STPG4: variants seen among roughly 807,000 people sequenced by gnomAD.
STPG4 encodes sperm-tail PG-rich repeat containing 4.
STPG4 carries 41 observed loss-of-function variants against 31.5 expected under a neutral mutation model. That is an observed-to-expected ratio of 1.30 (90% CI 1.01 to 1.69). The LOEUF is 1.69. Among genes scored for constraint, STPG4 ranks in the 40% most tolerant of loss-of-function variants. The pLI, the probability that STPG4 is intolerant of heterozygous loss-of-function variation, is 0.00. For missense variants in STPG4, 375 were observed against 293.4 expected, an observed-to-expected ratio of 1.28 and a Z score of -2.03; for synonymous variants, 141 against 103.0, an observed-to-expected ratio of 1.37 and a Z score of -2.24.
At chr2:47,116,052 G>A (rs1046292527) in intron 5 of STPG4, among the ~76,000 whole-genome samples, 1 of 152,186 alleles carries the variant, frequency 6.6e-6, no homozygotes, top group Non-Finnish European at 1.5e-5. Flanking sequence ...TTTTCCTAGG[G>A]TTCCCTAAGT....
chr2:47,101,075 C>A (rs1481720487), intron 5 of STPG4, among the ~76,000 whole-genome samples: 1 of 151,884 alleles, frequency 6.6e-6, no homozygotes, highest in South Asian at 2.1e-4. Flanking sequence ...CATCACCTAT[C>A]GCCAAGCAGT....
rs940677827 is a variant in STPG4, at chr2:47,135,105, G to A, written c.400-4845C>T. Among the ~76,000 whole-genome samples the A allele has an allele frequency of 3.9e-5, 6 of 152,092 alleles. No homozygotes were observed. The South Asian group carries it at 6.2e-4, about 16-fold the overall frequency. The stretch of plus-strand genomic sequence containing the variant: ...TATTTTGGTCAACAGTTCTTTCTCA[G>A]ATATATCTTTTGCAAATATATTCTC... On this transcript the variant is annotated intron_variant, in intron 3 of 6. Coordinates refer to ENST00000445927, the MANE Select transcript of STPG4 (RefSeq NM_001163561.2).
intron 5 of STPG4, among the ~76,000 whole-genome samples, chr2:47,110,192 A>G (rs1344333045): frequency 6.6e-6 from 1 of 152,246 alleles, no homozygotes; most frequent in African/African-American, 2.4e-5. Context: ...ACTGAGTCCT[A>G]ATTAAGTAGC....
intron 3 of STPG4, among the ~76,000 whole-genome samples, chr2:47,143,317 G>A (rs1015110180): frequency 6.6e-6 from 1 of 152,134 alleles, no homozygotes; most frequent in Admixed American, 6.5e-5. Context: ...TATCTCCTTT[G>A]CCAATATTGG....
At chr2:47,090,126 A>G (rs12467763) in intron 6 of STPG4, 144 bp downstream of exon 6, 1 of 550,022 alleles carries the variant, frequency 1.8e-6, no homozygotes, top group South Asian at 2.9e-5. Flanking sequence ...TTGACAGGCA[A>G]CTGTATCTAC....
At chr2:47,153,781 A>T (rs1484971100) in intron 1 of STPG4, among the ~76,000 whole-genome samples, 1 of 152,146 alleles carries the variant, frequency 6.6e-6, no homozygotes, top group Admixed American at 6.6e-5. Flanking sequence ...CTCAGGGGGA[A>T]AAAAAAGACT....
chr2:47,095,376 C>G (rs1018359702), intron 5 of STPG4, among the ~76,000 whole-genome samples: 4 of 152,140 alleles, frequency 2.6e-5, no homozygotes, highest in Non-Finnish European at 5.9e-5. Flanking sequence ...GCATGGAACT[C>G]TAAACCGAGG....
intron 5 of STPG4, among the ~76,000 whole-genome samples, chr2:47,097,329 C>G (rs1377570604): frequency 6.6e-6 from 1 of 152,140 alleles, no homozygotes; most frequent in Non-Finnish European, 1.5e-5. Context: ...AAAGCGCACA[C>G]GTTCTATTTC....
At chr2:47,125,998 T>C (rs1313048629) in intron 5 of STPG4, among the ~76,000 whole-genome samples, 1 of 152,196 alleles carries the variant, frequency 6.6e-6, no homozygotes, top group Non-Finnish European at 1.5e-5. Flanking sequence ...CCAATGTGTA[T>C]TCTTGGCACC....
At chr2:47,140,914 A>C (rs1485323279) in intron 3 of STPG4, among the ~76,000 whole-genome samples, 5 of 151,354 alleles carry the variant, frequency 3.3e-5, no homozygotes, top group Admixed American at 3.3e-4. Flanking sequence ...TTTCTTTTTA[A>C]GACAGGGTCT....
At chr2:47,122,714 C>T (rs1469461823) in intron 5 of STPG4, among the ~76,000 whole-genome samples, 5 of 151,738 alleles carry the variant, frequency 3.3e-5, no homozygotes, top group Non-Finnish European at 7.4e-5. Flanking sequence ...GTTTGCTATG[C>T]GGTCTTTTTT....
chr2:47,100,078 T>C (rs957535709), intron 5 of STPG4, among the ~76,000 whole-genome samples: 6 of 152,006 alleles, frequency 3.9e-5, no homozygotes, highest in Non-Finnish European at 7.4e-5. Context: ...TGCTCCAAGG[T>C]GCCCAGTCCC....
intron 5 of STPG4, among the ~76,000 whole-genome samples, chr2:47,094,296 C>A (rs568495909): frequency 6.0e-4 from 92 of 152,204 alleles, no homozygotes; most frequent in Non-Finnish European, 1.2e-3. Flanking sequence ...GACAAAAATT[C>A]TGTCTCCAGG....
At position 47,155,211 on chromosome 2, in the gene STPG4, C is replaced by G. The variant is rs1687007696; in HGVS notation, c.41G>C (p.Arg14Thr). 6.2e-7 allele frequency: 1 copy of G among 1,614,182 alleles called. No homozygotes were observed. Among genetic ancestry groups the G allele is most frequent in the Non-Finnish European group, 8.5e-7 (1 of 1,180,038 alleles). ...PAVATASTSI[R>T]EDLVGGESFI... ...TGATTCTCCACCCACCAGGTCTTCCCTTATTGAGGTGGAAGCGGTGGCGAC... is the reference window on the plus strand; with the variant it reads ...TGATTCTCCACCCACCAGGTCTTCCGTTATTGAGGTGGAAGCGGTGGCGAC... The change falls in exon 1 of 7, where the codon AGG becomes ACG. Residue 14 changes from arginine to threonine, a missense_variant. Arg to Thr is a moderately conservative substitution (Grantham distance 71, BLOSUM62 -1). Transcript: ENST00000445927.
intron 5 of STPG4, among the ~76,000 whole-genome samples, chr2:47,093,060 G>A (rs1685603277): frequency 6.6e-6 from 1 of 152,114 alleles, no homozygotes; most frequent in Admixed American, 6.5e-5. Context: ...CAAAGTGCTG[G>A]GATTACAGGT....
At chr2:47,112,454 G>T (rs1052081099) in intron 5 of STPG4, among the ~76,000 whole-genome samples, 4 of 152,160 alleles carry the variant, frequency 2.6e-5, no homozygotes, top group Admixed American at 2.6e-4. Context: ...ACAGGCGTGA[G>T]CCACTGTGCC....
chr2:47,126,856 G>A (rs1265465135), intron 5 of STPG4, among the ~76,000 whole-genome samples: 3 of 152,044 alleles, frequency 2.0e-5, no homozygotes, highest in Non-Finnish European at 4.4e-5. Context: ...TGGTCTATAA[G>A]GTTTCCACTG....
intron 5 of STPG4, among the ~76,000 whole-genome samples, chr2:47,092,559 G>A (rs1442020921): frequency 9.1e-6 from 1 of 110,262 alleles, no homozygotes; most frequent in Admixed American, 9.3e-5. Flanking sequence ...AAAGGGAGGG[G>A]AGGGAGAAGG....
chr2:47,124,556 T>C (rs1686329627), intron 5 of STPG4, among the ~76,000 whole-genome samples: 1 of 152,202 alleles, frequency 6.6e-6, no homozygotes, highest in South Asian at 2.1e-4. Flanking sequence ...TTATTTCACT[T>C]AACATAATGA....
Sources: gnomAD v4.1 joint callset for allele counts (sites outside exome capture counted in the v4.1 genomes callset) on GRCh38, gnomAD v4.1.1 for gene constraint, MANE v1.5 for transcripts, NCBI Gene and HGNC (gene_info 2026-07-23, HGNC 2026-07-21) for gene names.